Variants in CAPRIN1 observed in about 807,000 individuals in gnomAD.
The protein encoded by CAPRIN1 is cell cycle associated protein 1.
A neutral mutation model predicts 100.9 loss-of-function variants in CAPRIN1; 29 were observed. The observed-to-expected ratio is 0.29, with a 90% CI of 0.21 to 0.39. The LOEUF (loss-of-function observed/expected upper bound fraction) is 0.39, where lower values mean the gene tolerates loss of function less well. Ranked by LOEUF, CAPRIN1 falls within the 10% of genes least tolerant of loss-of-function variation. The pLI, the probability that CAPRIN1 is intolerant of heterozygous loss-of-function variation, is 1.00. For missense variants in CAPRIN1, 795 were observed against 876.7 expected, an observed-to-expected ratio of 0.91 and a Z score of 1.18; for synonymous variants, 338 against 307.5, an observed-to-expected ratio of 1.10 and a Z score of -1.04.
chr11:34,057,854 G>T (rs1473867489), intron 2 of CAPRIN1, among the ~76,000 whole-genome samples: 10 of 152,018 alleles, frequency 6.6e-5, no homozygotes, highest in Non-Finnish European at 1.0e-4. Flanking sequence ...GAGTAGCTGG[G>T]ATTACAGGCG....
chr11:34,060,847 A>G (rs1311173156), intron 2 of CAPRIN1, among the ~76,000 whole-genome samples: 1 of 152,230 alleles, frequency 6.6e-6, no homozygotes, highest in Non-Finnish European at 1.5e-5. Flanking sequence ...AATAAGTTGT[A>G]CAGAATTATG....
intron 2 of CAPRIN1, among the ~76,000 whole-genome samples, chr11:34,057,424 A>G (rs1413458264): frequency 6.6e-6 from 1 of 152,194 alleles, no homozygotes; most frequent in Non-Finnish European, 1.5e-5. Context: ...TATTGTTTTA[A>G]CGTGGCCAAA....
In CAPRIN1 at chr11:34,086,153, C is replaced by G; in HGVS notation, c.1056C>G (p.Pro352=). The G allele has an allele frequency of 1.9e-6, 3 of 1,614,132 alleles. No individual in the cohort carries two copies. The African/African-American group carries it at 4.0e-5, about 22-fold the overall frequency. The change falls in exon 10 of 19, where the codon CCC becomes CCG. Residue 352 remains proline (P), a synonymous_variant. Transcript: ENST00000341394. ...TGACTCCAGTGGCTCAGGCAGATCC[C>G]CTTGTGAGAAGACAGCGAGTACAAG... ...HSLTPVAQAD[P]LVRRQRVQDL... is the part of the protein sequence containing the mutation.
intron 2 of CAPRIN1, among the ~76,000 whole-genome samples, chr11:34,069,791 T>G (rs1293120663): frequency 6.6e-6 from 1 of 152,062 alleles, no homozygotes; most frequent in Non-Finnish European, 1.5e-5. Flanking sequence ...GTGATTATCT[T>G]GGTTTTATTT....
chr11:34,059,432 C>T (rs1474998051), intron 2 of CAPRIN1, among the ~76,000 whole-genome samples: 1 of 152,088 alleles, frequency 6.6e-6, no homozygotes, highest in Non-Finnish European at 1.5e-5. Context: ...CCACACCTGG[C>T]TAATTTTTTG....
chr11:34,088,453 G>C (rs948780265), intron 11 of CAPRIN1, among the ~76,000 whole-genome samples: 11 of 152,094 alleles, frequency 7.2e-5, no homozygotes, highest in Non-Finnish European at 1.5e-5. Flanking sequence ...TTGAGCCCAG[G>C]AGTTTGAGAC....
intron 6 of CAPRIN1, among the ~76,000 whole-genome samples, chr11:34,077,704 G>A (rs1358293931): frequency 9.9e-5 from 15 of 152,098 alleles, no homozygotes. Context: ...AAATCAGATT[G>A]GATTATAAGC....
chr11:34,075,087 A>G (rs1313752412), intron 4 of CAPRIN1, among the ~76,000 whole-genome samples: 1 of 151,770 alleles, frequency 6.6e-6, no homozygotes, highest in Non-Finnish European at 1.5e-5. Flanking sequence ...TCACTGTTTC[A>G]CCCAGGCTGG....
chr11:34,074,621 G>A (rs898798547), intron 4 of CAPRIN1, among the ~76,000 whole-genome samples: 25 of 152,220 alleles, frequency 1.6e-4, no homozygotes, highest in African/African-American at 5.8e-4. Flanking sequence ...GGTTGCTCAC[G>A]CCTGTAACCC....
intron 2 of CAPRIN1, among the ~76,000 whole-genome samples, chr11:34,069,154 T>G (rs1005715933): frequency 3.3e-5 from 5 of 150,906 alleles, no homozygotes; most frequent in South Asian, 4.2e-4. Flanking sequence ...TTATTTAGTT[T>G]TTTTTTTTTT....
At chr11:34,066,500 A>G (rs1055103340) in intron 2 of CAPRIN1, among the ~76,000 whole-genome samples, 1 of 150,864 alleles carries the variant, frequency 6.6e-6, no homozygotes, top group South Asian at 2.1e-4. Flanking sequence ...TACCCGGCTC[A>G]TTTTTGTATT....
chr11:34,070,036 G>C (rs921847011), intron 2 of CAPRIN1, among the ~76,000 whole-genome samples: 1 of 152,132 alleles, frequency 6.6e-6, no homozygotes, highest in African/African-American at 2.4e-5. Flanking sequence ...TATTGGTAAG[G>C]GGGTAAGGAA....
At chr11:34,091,855 T>C (rs1215997786) in intron 14 of CAPRIN1, 51 bp from the exon 15 acceptor site, 11 of 1,541,464 alleles carry the variant, frequency 7.1e-6, no homozygotes, top group African/African-American at 2.8e-5. Context: ...GGCCATGTTA[T>C]AAACCAGAGA....
intron 15 of CAPRIN1, among the ~76,000 whole-genome samples, chr11:34,092,654 CT>C (rs1851285570): frequency 6.6e-6 from 1 of 152,146 alleles, no homozygotes; most frequent in African/African-American, 2.4e-5. Flanking sequence ...GCCATTGCAC[CT>C]GGTGATAAAC....
Position 34,087,275 on chromosome 11 carries a change from T to C in CAPRIN1, c.1231+862T>C, listed in dbSNP as rs145425116. On this transcript the variant is annotated intron_variant, in intron 11 of 18. Transcript: ENST00000341394. The stretch of plus-strand genomic sequence containing the variant: ...AAAAGTATGTTTAATGACAGTTAAT[T>C]TGGTGTAAGGTAGTTAGGATTTTTC... Among the ~76,000 whole-genome samples, 1,368 of 152,232 alleles carry C rather than the reference T, an allele frequency of 9.0e-3. 13 individuals carry two copies. Among genetic ancestry groups the C allele is most frequent in the Middle Eastern group, 0.021 (6 of 292 alleles).
chr11:34,091,538 C>T (rs1851265394), intron 14 of CAPRIN1: 1 of 155,548 alleles, frequency 6.4e-6, no homozygotes, highest in Admixed American at 6.5e-5. Context: ...CTGCCTGCCT[C>T]AGCCTCCCAA....
At chr11:34,078,293 A>G (rs545100501) in intron 6 of CAPRIN1, among the ~76,000 whole-genome samples, 4 of 152,320 alleles carry the variant, frequency 2.6e-5, no homozygotes, top group Admixed American at 2.6e-4. Flanking sequence ...TTTTGATACA[A>G]TATGGTCCTC....
intron 2 of CAPRIN1, among the ~76,000 whole-genome samples, chr11:34,059,887 T>G (rs1850539168): frequency 6.6e-6 from 1 of 150,680 alleles, no homozygotes; most frequent in Non-Finnish European, 1.5e-5. Context: ...TACTTTTTTT[T>G]TTTTTTTTTT....
chr11:34,101,355 C>T lies in CAPRIN1; in HGVS notation c.*1988C>T, dbSNP rs1851450760. Among the ~76,000 whole-genome samples, 1 of 152,138 alleles carries T rather than the reference C, an allele frequency of 6.6e-6. No individual in the cohort carries two copies. Among genetic ancestry groups the T allele is most frequent in the African/African-American group, 2.4e-5 (1 of 41,430 alleles). On this transcript the variant is annotated 3_prime_UTR_variant, in exon 19 of 19. Transcript: ENST00000341394. ...CTGGGTAATCCCTAGATGATGTATG[C>T]TTGCAGTCCTATATAAAACTAAATT...
Sources: gnomAD v4.1 joint callset for allele counts (sites outside exome capture counted in the v4.1 genomes callset) on GRCh38, gnomAD v4.1.1 for gene constraint, MANE v1.5 for transcripts, NCBI Gene and HGNC (gene_info 2026-07-23, HGNC 2026-07-21) for gene names.